TSC2: variants seen among roughly 807,000 people sequenced by gnomAD.
The protein encoded by TSC2 is TSC complex subunit 2.
A neutral mutation model predicts 202.2 loss-of-function variants in TSC2; 29 were observed. That is an observed-to-expected ratio of 0.14 (90% CI 0.11 to 0.20). The LOEUF (loss-of-function observed/expected upper bound fraction) is 0.20, where lower values mean the gene tolerates loss of function less well. TSC2 is among the 10% of genes least tolerant of loss of function. The pLI is 1.00. For synonymous variants in TSC2, 1,349 were observed against 1,044.0 expected, an observed-to-expected ratio of 1.29 and a Z score of -5.63; for missense variants, 2,429 against 2,420.0, an observed-to-expected ratio of 1.00 and a Z score of -0.08.
chr16:2,080,035 G>A (rs536867702), intron 29 of TSC2, 130 bp from the exon 30 acceptor site: 1 of 1,294,100 alleles, frequency 7.7e-7, no homozygotes, highest in African/African-American at 1.4e-5. Context: ...CGTGCCCCAA[G>A]GGCAGAGCTG....
rs549913375 is a variant in TSC2, at chr16:2,061,748, C to T, written c.1120-123C>T. 88 of 1,515,768 alleles carry T rather than the reference C, an allele frequency of 5.8e-5. No homozygotes were observed. The Middle Eastern group carries it at 7.8e-4, about 13-fold the overall frequency. The allele number at this position is 1,515,768 out of a possible 1,614,324, so 93.9% of individuals were successfully genotyped here. On this transcript the variant is annotated intron_variant, in intron 11 of 41. Transcript: ENST00000219476. ...AGGGCTGGGGGCGTCTGTCCCCATG[C>T]GGCCCAGAGCGGCCTGAGAGGGCTG...
chr16:2,065,886 A>G (rs1159228969), intron 16 of TSC2, among the ~76,000 whole-genome samples: 1 of 152,156 alleles, frequency 6.6e-6, no homozygotes, highest in Non-Finnish European at 1.5e-5. Context: ...GGAACCATGT[A>G]CCATCCTCAG....
At chr16:2,056,281 C>T (rs1374561690) in intron 7 of TSC2, 37 bp downstream of exon 7, 2 of 1,613,492 alleles carry the variant, frequency 1.2e-6, no homozygotes, top group East Asian at 2.2e-5. Context: ...GCCCATTTCA[C>T]CCTGGTTTCT....
At chr16:2,087,674 G>A (rs537634233) in intron 38 of TSC2, among the ~76,000 whole-genome samples, 189 bp from the exon 39 acceptor site, 86 of 152,304 alleles carry the variant, frequency 5.6e-4, no homozygotes, top group Non-Finnish European at 8.7e-4. Flanking sequence ...TGGGTGCTGC[G>A]CCCAGATGTG....
intron 30 of TSC2, chr16:2,081,379 G>A: frequency 4.7e-6 from 3 of 639,622 alleles, no homozygotes; most frequent in Non-Finnish European, 8.3e-6. Context: ...CCGCTGCTCT[G>A]AGGTGCCTGG....
chr16:2,054,113 G>A, intron 4 of TSC2, 183 bp from the exon 5 acceptor site: 8 of 907,802 alleles, frequency 8.8e-6, no homozygotes, highest in South Asian at 4.6e-5. Context: ...GCGGTCGGCC[G>A]GTGCATCCGG....
At chr16:2,055,018 G>A (rs2085589638) in intron 5 of TSC2, 1 of 362,168 alleles carries the variant, frequency 2.8e-6, no homozygotes, top group East Asian at 6.6e-5. Context: ...AGGTGACGTG[G>A]CCGGCAGCCA....
intron 25 of TSC2, 190 bp downstream of exon 25, chr16:2,076,775 C>A: frequency 1.6e-6 from 1 of 634,082 alleles, no homozygotes; most frequent in Non-Finnish European, 2.8e-6. Flanking sequence ...GCCGTGGTGG[C>A]CTGGGTCCGG....
In TSC2 at chr16:2,077,606, T is replaced by G; in HGVS notation, c.2846T>G (p.Ile949Arg). Residue 949 changes from isoleucine to arginine, a missense_variant, in exon 26 of 42, where the codon ATA becomes AGA. By Grantham distance (97) the Ile-to-Arg change is moderately conservative. Transcript: ENST00000219476. The stretch of plus-strand genomic sequence containing the variant: ...CCTTCCTCACCCGATAGTCTGAGGA[T>G]AGCCAGACCCCCCAAACAAGGCTTG... Reference protein sequence around the residue: ...SLNERPKSLRIARPPKQGLNN... With the variant: ...SLNERPKSLRRARPPKQGLNN... 6.2e-7 allele frequency: 1 copy of G among 1,613,056 alleles called. No homozygotes were observed. The highest frequency in any genetic ancestry group is 8.5e-7 in the Non-Finnish European group (1 of 1,179,984).
rs1179126511 is a variant in TSC2 at position 2,088,742 on chromosome 16, G to A, written c.*132G>A. 1.5e-6 allele frequency: 2 copies of A among 1,293,076 alleles called. No homozygotes were observed. Among genetic ancestry groups the A allele is most frequent in the Non-Finnish European group, 2.1e-6 (2 of 945,674 alleles). The allele number at this position is 1,293,076 out of a possible 1,614,324, so 80.1% of individuals were successfully genotyped here. A position where few individuals can be genotyped will look rare whatever the true frequency, so the allele number is the denominator to read the frequency against. On this transcript the variant is annotated 3_prime_UTR_variant, in exon 42 of 42. Transcript: ENST00000219476. The stretch of plus-strand genomic sequence containing the variant: ...GACAGCTCTTTTATTGACTTTGTCT[G>A]CTTGGTGCGGGGGTTGGGGGGGTGT...
At chr16:2,074,631 C>T in intron 22 of TSC2, 1 of 579,844 alleles carries the variant, frequency 1.7e-6, no homozygotes, top group Non-Finnish European at 3.1e-6. Context: ...AGCCTCTTCC[C>T]CCCCGAGCAG....
intron 17 of TSC2, chr16:2,071,258 G>T: frequency 1.7e-6 from 1 of 574,884 alleles, no homozygotes; most frequent in Non-Finnish European, 3.1e-6. Flanking sequence ...TCCCAGGCGG[G>T]CCCAGCTGTG....
At chr16:2,082,774 T>G in intron 32 of TSC2, 1 of 563,950 alleles carries the variant, frequency 1.8e-6, no homozygotes. Context: ...GGGGGTGGCC[T>G]GAGTCTCCAT....
intron 34 of TSC2, 108 bp downstream of exon 34, chr16:2,084,823 TA>T: frequency 6.3e-7 from 1 of 1,598,598 alleles, no homozygotes; most frequent in African/African-American, 1.3e-5. Context: ...GCCTGTGCCC[TA>T]GGGCTGGCTG....
intron 32 of TSC2, 112 bp from the exon 33 acceptor site, chr16:2,083,583 G>T: frequency 6.6e-7 from 1 of 1,515,996 alleles, no homozygotes; most frequent in East Asian, 2.5e-5. Context: ...CCCTGGGGAG[G>T]CTCGCAGGGC....
intron 35 of TSC2, 53 bp from the exon 36 acceptor site, chr16:2,085,177 C>T (rs545015471): frequency 1.0e-4 from 168 of 1,609,392 alleles, no homozygotes; most frequent in Middle Eastern, 5.0e-4. Flanking sequence ...CTGGGTGGGG[C>T]GGCCTCCTGT....
At chr16:2,050,354 C>G (rs775914709) in intron 2 of TSC2, 46 bp from the exon 3 acceptor site, 3 of 1,568,980 alleles carry the variant, frequency 1.9e-6, no homozygotes, top group African/African-American at 2.7e-5. Flanking sequence ...TTAAGGAGAC[C>G]GTGGCCTGAG....
Position 2,050,397 on chromosome 16 carries a change from C to T in TSC2, c.139-3C>T, listed in dbSNP as rs2150994874. On this transcript the variant is annotated splice_region_variant and splice_polypyrimidine_tract_variant and intron_variant, in intron 2 of 41. Coordinates refer to ENST00000219476, the MANE Select transcript of TSC2 (RefSeq NM_000548.5). ...CCCTTTTTCTTCTTTCATCTCTCTC[C>T]AGGAACTGAGCATGGAATGTGGCCT... The T allele has an allele frequency of 6.2e-7, 1 of 1,613,820 alleles. No individual in the cohort carries two copies. Among genetic ancestry groups the T allele is most frequent in the South Asian group, 1.1e-5 (1 of 91,076 alleles).
intron 14 of TSC2, chr16:2,063,259 T>C: frequency 1.5e-6 from 1 of 659,514 alleles, no homozygotes; most frequent in Non-Finnish European, 2.7e-6. Flanking sequence ...CCTTGACACG[T>C]GGCCAAGTAG....
Sources: allele counts gnomAD v4.1 joint callset (sites outside exome capture counted in the v4.1 genomes callset), GRCh38; gene constraint gnomAD v4.1.1; transcripts MANE v1.5; gene names NCBI Gene and HGNC (gene_info 2026-07-23, HGNC 2026-07-21).